PCDH11Y: variants seen among roughly 807,000 people sequenced by gnomAD.
PCDH11Y encodes protocadherin-11 Y-linked.
For missense variants in PCDH11Y, 12 were observed against 224.8 expected (o/e 0.05, Z 6.05); for synonymous variants, 9 against 83.6 (o/e 0.11, Z 4.87).
chrY:5,048,458 C>G (rs2052646222), intron 3 of PCDH11Y, among the ~76,000 whole-genome samples: 1 of 32,685 alleles, frequency 3.1e-5, no homozygotes, highest in Non-Finnish European at 7.5e-5. Context: ...CTAGTTTTAC[C>G]TCTTTGAGGA....
intron 2 of PCDH11Y, among the ~76,000 whole-genome samples, chrY:5,187,917 A>G: frequency 1.2e-4 from 4 of 33,418 alleles, no homozygotes; most frequent in Admixed American, 5.5e-4. Flanking sequence ...TTGTGAATAC[A>G]TAAAACTTAA....
intron 1 of PCDH11Y, among the ~76,000 whole-genome samples, chrY:5,014,602 G>C: frequency 6.0e-5 from 2 of 33,259 alleles, no homozygotes; most frequent in South Asian, 1.3e-3. Flanking sequence ...TCGGAAACCA[G>C]AGTCAAACTT....
chrY:5,238,423 C>A, intron 2 of PCDH11Y, among the ~76,000 whole-genome samples: 4 of 32,923 alleles, frequency 1.2e-4, no homozygotes, highest in Non-Finnish European at 2.2e-4. Context: ...AAAATTAATT[C>A]AAGATGGATT....
At chrY:5,664,945 C>T in intron 4 of PCDH11Y, among the ~76,000 whole-genome samples, 1 of 33,246 alleles carries the variant, frequency 3.0e-5, no homozygotes, top group Non-Finnish European at 7.4e-5. Context: ...CCCTGATATG[C>T]TTACAATTCT....
chrY:5,315,281 T>A, intron 2 of PCDH11Y, among the ~76,000 whole-genome samples: 1 of 32,444 alleles, frequency 3.1e-5, no homozygotes, highest in Non-Finnish European at 7.5e-5. Context: ...GCATAACAAG[T>A]TGTTTTAATT....
chrY:5,503,607 G>T, intron 3 of PCDH11Y, among the ~76,000 whole-genome samples: 2 of 32,550 alleles, frequency 6.1e-5, no homozygotes, highest in Non-Finnish European at 1.5e-4. Context: ...TACTAAAAGT[G>T]CAAGAAGCAC....
At chrY:5,538,889 T>A in intron 3 of PCDH11Y, among the ~76,000 whole-genome samples, 1 of 30,660 alleles carries the variant, frequency 3.3e-5, no homozygotes, top group Non-Finnish European at 7.9e-5. Flanking sequence ...GAGAAGAGGT[T>A]AGTATGATGT....
chrY:5,279,325 G>A (rs2124660470), intron 2 of PCDH11Y, among the ~76,000 whole-genome samples: 1 of 26,025 alleles, frequency 3.8e-5, no homozygotes, highest in Non-Finnish European at 8.8e-5. Flanking sequence ...ACTTGAACCC[G>A]GGAGGCGGAG....
chrY:5,337,699 C>A, intron 2 of PCDH11Y: 1 of 327,416 alleles, frequency 3.1e-6, no homozygotes, highest in South Asian at 4.3e-5. Flanking sequence ...CTCCTCAGCA[C>A]CCCCGAGATT....
chrY:5,445,423 CTCTTCT>C (rs2053286573), intron 2 of PCDH11Y, among the ~76,000 whole-genome samples: 1 of 26,056 alleles, frequency 3.8e-5, no homozygotes, highest in Non-Finnish European at 9.2e-5. Flanking sequence ...TTTCTTCTTC[CTCTTCT>C]TCTTCTTCCT....
At chrY:5,033,783 A>G (rs2124621954) in intron 3 of PCDH11Y, among the ~76,000 whole-genome samples, 2 of 31,828 alleles carry the variant, frequency 6.3e-5, no homozygotes, top group South Asian at 7.2e-4. Flanking sequence ...GTTCCCTTCT[A>G]TTCCCTCCAT....
chrY:5,655,613 T>C, intron 4 of PCDH11Y, among the ~76,000 whole-genome samples: 1 of 32,613 alleles, frequency 3.1e-5, no homozygotes, highest in African/African-American at 1.2e-4. Flanking sequence ...TAAATTCTAT[T>C]TCTGCAATTT....
intron 2 of PCDH11Y, among the ~76,000 whole-genome samples, chrY:5,435,062 G>A: frequency 3.0e-5 from 1 of 33,483 alleles, no homozygotes; most frequent in African/African-American, 1.2e-4. Flanking sequence ...TATGACCCAT[G>A]TTCACTTTGG....
At chrY:5,486,726 T>C (rs1602932627) in intron 2 of PCDH11Y, among the ~76,000 whole-genome samples, 16 of 9,434 alleles carry the variant, frequency 1.7e-3, no homozygotes, top group East Asian at 0.01. Flanking sequence ...TATATATATA[T>C]ACACATATAT....
chrY:5,540,337 G>A, intron 3 of PCDH11Y, among the ~76,000 whole-genome samples: 1 of 33,279 alleles, frequency 3.0e-5, no homozygotes, highest in Non-Finnish European at 7.5e-5. Flanking sequence ...AATCCTAAAA[G>A]CATTAAGTTT....
At chrY:5,036,268 C>A in intron 3 of PCDH11Y, among the ~76,000 whole-genome samples, 1 of 22,172 alleles carries the variant, frequency 4.5e-5, no homozygotes, top group African/African-American at 1.8e-4. Flanking sequence ...TACCTAAAGG[C>A]ATAGTTAATA....
At chrY:5,725,992 A>G in intron 4 of PCDH11Y, among the ~76,000 whole-genome samples, 1 of 31,992 alleles carries the variant, frequency 3.1e-5, no homozygotes, top group South Asian at 7.2e-4. Context: ...CTAAATCACA[A>G]TGAGATAGCA....
chrY:5,326,602 A>G, intron 2 of PCDH11Y, among the ~76,000 whole-genome samples: 2 of 32,055 alleles, frequency 6.2e-5, no homozygotes, highest in Admixed American at 5.8e-4. Flanking sequence ...AAATGGGGTG[A>G]ATATCAGGTG....
At chrY:5,180,475 A>G (rs2052898920) in intron 2 of PCDH11Y, among the ~76,000 whole-genome samples, 1 of 33,443 alleles carries the variant, frequency 3.0e-5, no homozygotes, top group Non-Finnish European at 7.4e-5. Context: ...CAGGTCCTGA[A>G]TATCTTTGTT....
Sources: allele counts gnomAD v4.1 joint callset (sites outside exome capture counted in the v4.1 genomes callset), GRCh38; gene constraint gnomAD v4.1.1; transcripts MANE v1.5; gene names NCBI Gene and HGNC (gene_info 2026-07-23, HGNC 2026-07-21).